The following LUC7L3 variants were observed in gnomAD, a reference collection of about 807,000 sequenced individuals.
The protein encoded by LUC7L3 is LUC7 like 3 pre-mRNA splicing factor.
LUC7L3 carries 6 observed loss-of-function variants against 66.8 expected under a neutral mutation model. The ratio of observed to expected loss-of-function variants is 0.09; its 90% confidence interval spans 0.05 to 0.18. The LOEUF (loss-of-function observed/expected upper bound fraction) is 0.18, where lower values mean the gene tolerates loss of function less well. Among genes scored for constraint, LUC7L3 ranks in the 10% least tolerant of loss-of-function variants. LUC7L3 has a pLI of 1.00. For missense variants in LUC7L3, 341 were observed against 531.1 expected (o/e 0.64, Z 3.52); for synonymous variants, 160 against 174.7 (o/e 0.92, Z 0.66).
chr17:50,741,483 T>C (rs1393672809), intron 4 of LUC7L3, among the ~76,000 whole-genome samples, 174 bp from the exon 5 acceptor site: 1 of 152,222 alleles, frequency 6.6e-6, no homozygotes, highest in Admixed American at 6.5e-5. Flanking sequence ...TTCCCTTAAA[T>C]AGTAGTAACT....
intron 9 of LUC7L3, among the ~76,000 whole-genome samples, chr17:50,749,032 A>G (rs1970851836): frequency 6.6e-6 from 1 of 152,238 alleles, no homozygotes; most frequent in Non-Finnish European, 1.5e-5. Flanking sequence ...TTATTACTCC[A>G]GGTGCTATGA....
chr17:50,748,594 G>C (rs1970821638), intron 9 of LUC7L3, among the ~76,000 whole-genome samples: 1 of 151,912 alleles, frequency 6.6e-6, no homozygotes, highest in Non-Finnish European at 1.5e-5. Context: ...AAAGTGCTGG[G>C]GTTATAGGTG....
Position 50,755,186 on chromosome 17 carries a change from TAAAAA to T in LUC7L3, c.*4532_*4536del, listed in dbSNP as rs909296803. 6.8e-6 allele frequency: 1 copy of T among 146,974 alleles called. No individual in the cohort carries two copies. The allele number at this position is 146,974 out of a possible 1,614,324, so 9.1% of individuals were successfully genotyped here. A position where few individuals can be genotyped will look rare whatever the true frequency, so the allele number is the denominator to read the frequency against. On this transcript the variant is annotated 3_prime_UTR_variant, in exon 10 of 10. Coordinates refer to ENST00000505658, the MANE Select transcript of LUC7L3 (RefSeq NM_016424.5). ...TTATAATTGTAATGTTGCCCATGGTTAAAAAAAAAAAGTGTTCAGTGATCTATGTC... is the reference window on the plus strand; with the variant it reads ...TTATAATTGTAATGTTGCCCATGGTTAAAAAAGTGTTCAGTGATCTATGTC...
intron 9 of LUC7L3, chr17:50,749,259 C>T (rs1005991223): frequency 2.3e-5 from 30 of 1,288,672 alleles, no homozygotes; most frequent in Admixed American, 2.3e-5. Flanking sequence ...TAGTCCTCTA[C>T]GGGACAACAA....
chr17:50,737,372 A>G (rs1224242649), intron 2 of LUC7L3: 7 of 468,694 alleles, frequency 1.5e-5, no homozygotes, highest in Middle Eastern at 3.2e-4. Context: ...AGCAAACGCA[A>G]CAGAGCAGAG....
chr17:50,754,250 C>A lies in LUC7L3; in HGVS notation c.*3589C>A, dbSNP rs981216995. 2 of 148,172 alleles carry A rather than the reference C, an allele frequency of 1.3e-5. No individual in the cohort carries two copies. The highest frequency in any genetic ancestry group is 1.3e-4 in the Admixed American group (2 of 14,950). The allele number at this position is 148,172 out of a possible 1,614,324, so 9.2% of individuals were successfully genotyped here. ...TCAGTTGGTCTTAAAAAAAAAAAAA[C>A]TTTATTTTGGAAATTTAAAGACATA... On this transcript the variant is annotated 3_prime_UTR_variant, in exon 10 of 10. Transcript: ENST00000505658.
intron 1 of LUC7L3, among the ~76,000 whole-genome samples, chr17:50,720,119 T>A (rs1211292858): frequency 6.6e-6 from 1 of 152,242 alleles, no homozygotes; most frequent in Non-Finnish European, 1.5e-5. Flanking sequence ...CAGCGTCTTA[T>A]TAAATCTAGC....
rs1971042065 is a variant in LUC7L3 at position 50,753,017 on chromosome 17, T to A, written c.*2356T>A. 6.6e-6 allele frequency: 1 copy of A among 152,206 alleles called. No individual in the cohort carries two copies. The highest frequency in any genetic ancestry group is 1.5e-5 in the Non-Finnish European group (1 of 68,030). 9.4% of individuals were successfully genotyped at this position (152,206 alleles called of 1,614,324 possible). ...TGTAGAAAAGCATTCAAGAGCTAGTTTTTGTTAAGTCCTGTATCAAGATTA... is the reference window on the plus strand; with the variant it reads ...TGTAGAAAAGCATTCAAGAGCTAGTATTTGTTAAGTCCTGTATCAAGATTA... On this transcript the variant is annotated 3_prime_UTR_variant, in exon 10 of 10. Transcript: ENST00000505658.
rs540074984 is a variant in LUC7L3 at position 50,755,924 on chromosome 17, C to G, written c.*5263C>G. ...GTATGTGAACATGGACAAAACTCAACAATAGAAGGATCAAAAAAAGCAAGT... is the reference window on the plus strand; with the variant it reads ...GTATGTGAACATGGACAAAACTCAAGAATAGAAGGATCAAAAAAAGCAAGT... On this transcript the variant is annotated 3_prime_UTR_variant, in exon 10 of 10. Transcript: ENST00000505658. The G allele has an allele frequency of 6.6e-6, 1 of 152,118 alleles. No individual in the cohort carries two copies. The highest frequency in any genetic ancestry group is 2.1e-4 in the South Asian group (1 of 4,826). 9.4% of individuals were successfully genotyped at this position (152,118 alleles called of 1,614,324 possible).
intron 2 of LUC7L3, chr17:50,737,373 C>A: frequency 2.1e-6 from 1 of 466,642 alleles, no homozygotes; most frequent in Non-Finnish European, 4.3e-6. Context: ...GCAAACGCAA[C>A]AGAGCAGAGC....
At position 50,751,615 on chromosome 17, in the gene LUC7L3, T is replaced by A; in HGVS notation, c.*954T>A. The A allele has an allele frequency of 8.8e-7, 1 of 1,137,716 alleles. No individual in the cohort carries two copies. Among genetic ancestry groups the A allele is most frequent in the South Asian group, 1.9e-5 (1 of 52,894 alleles). The allele number at this position is 1,137,716 out of a possible 1,614,324, so 70.5% of individuals were successfully genotyped here. A position where few individuals can be genotyped will look rare whatever the true frequency, so the allele number is the denominator to read the frequency against. ...TTTTAAATACAATAAACACTTCATATTATTCGCCTTGTTACACTCAATGCA... is the reference window on the plus strand; with the variant it reads ...TTTTAAATACAATAAACACTTCATAATATTCGCCTTGTTACACTCAATGCA... On this transcript the variant is annotated 3_prime_UTR_variant, in exon 10 of 10. Transcript: ENST00000505658.
chr17:50,749,456 C>T lies in LUC7L3; in HGVS notation c.1139-1045C>T, dbSNP rs74722892. ...TGCTTTGTGTATTATGCAAGTGTTA[C>T]GGACTAAATATGCTCTTTTACATAA... On this transcript the variant is annotated intron_variant, in intron 9 of 9. Transcript: ENST00000505658. 6.9e-3 allele frequency: 6,443 copies of T among 931,616 alleles called. 331 individuals carry two copies. The African/African-American group carries it at 0.1, about 15-fold the overall frequency. The allele number at this position is 931,616 out of a possible 1,614,324, so 57.7% of individuals were successfully genotyped here.
rs2143109129 is a variant in LUC7L3, at chr17:50,754,537, A to C, written c.*3876A>C. The C allele has an allele frequency of 6.6e-6, 1 of 152,354 alleles. No homozygotes were observed. Among genetic ancestry groups the C allele is most frequent in the African/African-American group, 2.4e-5 (1 of 41,580 alleles). The allele number at this position is 152,354 out of a possible 1,614,324, so 9.4% of individuals were successfully genotyped here. On this transcript the variant is annotated 3_prime_UTR_variant, in exon 10 of 10. Transcript: ENST00000505658. Reference sequence around the variant, plus strand: ...CAAACTATATTAGCACTGGTCCAATAGTTTAATTTTCATTGAGCCTTTCAA... The same window carrying C: ...CAAACTATATTAGCACTGGTCCAATCGTTTAATTTTCATTGAGCCTTTCAA...
chr17:50,730,496 C>T (rs1597902184), intron 1 of LUC7L3, among the ~76,000 whole-genome samples: 1 of 92,864 alleles, frequency 1.1e-5, no homozygotes. Context: ...GCCTGGGCGA[C>T]AGTAAGACTC....
intron 1 of LUC7L3, chr17:50,723,030 T>G (rs946093129): frequency 6.6e-6 from 1 of 152,234 alleles, no homozygotes; most frequent in South Asian, 2.1e-4. Context: ...CTGCCTAGGG[T>G]GAGTACCTTT....
In LUC7L3 at chr17:50,719,742, G is replaced by C; in HGVS notation, c.10G>C (p.Ala4Pro). MIS[A>P]AQLLDELMGR... ...GCCCGAAGGAAGCACCATGATTTCG[G>C]CCGCGCAGTTGTTGGATGAGTTAAT... The change falls in exon 1 of 10, where the codon GCC (alanine) becomes CCC (proline). Residue 4 changes from alanine (A) to proline (P), a missense_variant. Coordinates refer to ENST00000505658, the MANE Select transcript of LUC7L3 (RefSeq NM_016424.5). 1 of 1,611,884 alleles carries C rather than the reference G, an allele frequency of 6.2e-7. No individual in the cohort carries two copies. Among genetic ancestry groups the C allele is most frequent in the Non-Finnish European group, 8.5e-7 (1 of 1,179,098 alleles).
In LUC7L3 at chr17:50,741,255, A is replaced by G. The variant is rs1281180716; in HGVS notation, c.351+9A>G. 1.2e-6 allele frequency: 2 copies of G among 1,612,986 alleles called. No homozygotes were observed. The highest frequency in any genetic ancestry group is 1.7e-6 in the Non-Finnish European group (2 of 1,179,412). ...ACCAGCAGTCTTCTGGGGTAAGTGA[A>G]GTCAATTCAGTCTTTGTAAACGGTC... On this transcript the variant is annotated intron_variant, in intron 4 of 9. Transcript: ENST00000505658.
intron 1 of LUC7L3, among the ~76,000 whole-genome samples, chr17:50,734,697 A>C (rs1366942305): frequency 1.3e-5 from 2 of 152,242 alleles, no homozygotes; most frequent in African/African-American, 4.8e-5. Flanking sequence ...TGGAAAGAAA[A>C]CAGTAGAAAG....
rs148554328 is a variant in LUC7L3 at position 50,723,926 on chromosome 17, C to A, written c.99+4095C>A. On this transcript the variant is annotated intron_variant, in intron 1 of 9. Transcript: ENST00000505658. ...CTGAGGTTACAGGCGTGAGCCACTG[C>A]GCCCGGCTGGCATTTCCTACCTTAC... is the stretch of plus-strand genomic sequence containing the variant. 1.7e-3 allele frequency: 791 copies of A among 454,262 alleles called. 6 individuals carry two copies. Among genetic ancestry groups the A allele is most frequent in the South Asian group, 0.012 (745 of 64,368 alleles). The allele number at this position is 454,262 out of a possible 1,614,324, so 28.1% of individuals were successfully genotyped here.
Sources: gnomAD v4.1 joint callset for allele counts (sites outside exome capture counted in the v4.1 genomes callset) on GRCh38, gnomAD v4.1.1 for gene constraint, MANE v1.5 for transcripts, NCBI Gene and HGNC (gene_info 2026-07-23, HGNC 2026-07-21) for gene names.